The following TNNI3K variants were observed in gnomAD, a reference collection of about 807,000 sequenced individuals.
The protein encoded by TNNI3K is serine/threonine-protein kinase TNNI3K.
A neutral mutation model predicts 114.5 loss-of-function variants in TNNI3K; 140 were observed. That is an observed-to-expected ratio of 1.22 (90% CI 1.07 to 1.41). TNNI3K has a LOEUF of 1.41. TNNI3K is among the 40% of genes most tolerant of loss of function. The pLI is 0.00. For synonymous variants in TNNI3K, 347 were observed against 347.5 expected (o/e 1.00, Z 0.02); for missense variants, 1,125 against 1,007.6 (o/e 1.12, Z -1.58).
At chr1:74,367,386 G>A in intron 12 of TNNI3K, 44 bp downstream of exon 12, 1 of 1,598,132 alleles carries the variant, frequency 6.3e-7, no homozygotes, top group South Asian at 1.1e-5. Flanking sequence ...ATAATATATT[G>A]TGCCTAAAGG....
intron 17 of TNNI3K, among the ~76,000 whole-genome samples, chr1:74,425,910 A>G (rs541503596): frequency 2.0e-5 from 3 of 152,182 alleles, no homozygotes; most frequent in East Asian, 3.9e-4. Flanking sequence ...CCTGTGACTA[A>G]TACTTCTAGC....
Position 74,454,011 on chromosome 1 carries a change from C to T in TNNI3K, c.2012-9430C>T, listed in dbSNP as rs113707883. Among the ~76,000 whole-genome samples the T allele has an allele frequency of 2.1e-3, 319 of 152,178 alleles. 2 individuals carry two copies. The highest frequency in any genetic ancestry group is 7.1e-3 in the African/African-American group (294 of 41,534). On this transcript the variant is annotated intron_variant, in intron 20 of 24. Transcript: ENST00000326637. ...CTAAAGAGAATTGGCATGTGTCTTG[C>T]GACCTTGTGCAATTTATTTAACCTA...
At chr1:74,526,585 A>G (rs1379398439) in intron 23 of TNNI3K, among the ~76,000 whole-genome samples, 1 of 152,232 alleles carries the variant, frequency 6.6e-6, no homozygotes, top group African/African-American at 2.4e-5. Context: ...AGGTGACGTG[A>G]GAATGCAATT....
Position 74,436,473 on chromosome 1 carries a change from G to T in TNNI3K, c.1826-1G>T. 6.3e-7 allele frequency: 1 copy of T among 1,576,052 alleles called. No homozygotes were observed. The highest frequency in any genetic ancestry group is 1.2e-5 in the South Asian group (1 of 83,572). The stretch of plus-strand genomic sequence containing the variant: ...CGTGATTTATTTTCTCTTTCCCTCA[G>T]AATCAAGATTTCTACAGTCTCTGGA... On this transcript the variant is annotated splice_acceptor_variant, in intron 18 of 24. Transcript: ENST00000326637. LOFTEE classifies it high-confidence loss of function.
intron 10 of TNNI3K, among the ~76,000 whole-genome samples, 153 bp downstream of exon 10, chr1:74,353,513 A>G (rs895235852): frequency 2.6e-5 from 4 of 152,166 alleles, no homozygotes; most frequent in African/African-American, 9.7e-5. Flanking sequence ...ATAATGACTG[A>G]TAATAATAAA....
intron 17 of TNNI3K, among the ~76,000 whole-genome samples, chr1:74,426,782 T>G (rs919040696): frequency 3.9e-5 from 6 of 152,066 alleles, no homozygotes; most frequent in African/African-American, 1.4e-4. Context: ...GGATCTGGTT[T>G]CTTAAATGTA....
At chr1:74,458,313 A>G (rs1557578890) in intron 20 of TNNI3K, among the ~76,000 whole-genome samples, 1 of 152,170 alleles carries the variant, frequency 6.6e-6, no homozygotes, top group Non-Finnish European at 1.5e-5. Context: ...TTCATCTTAC[A>G]TTTAGCAAAA....
intron 23 of TNNI3K, among the ~76,000 whole-genome samples, chr1:74,506,436 A>T: frequency 6.6e-6 from 1 of 152,132 alleles, no homozygotes; most frequent in Non-Finnish European, 1.5e-5. Flanking sequence ...AAAGCCCATG[A>T]TTTTTTTACT....
chr1:74,405,137 G>C (rs947978362), intron 17 of TNNI3K, among the ~76,000 whole-genome samples: 4 of 152,042 alleles, frequency 2.6e-5, no homozygotes, highest in Non-Finnish European at 5.9e-5. Flanking sequence ...AGTACTGAAG[G>C]CTTCTAGAAA....
chr1:74,236,086 T>C lies in TNNI3K; in HGVS notation c.41-16T>C. 1.3e-6 allele frequency: 2 copies of C among 1,597,432 alleles called. No homozygotes were observed. Among genetic ancestry groups the C allele is most frequent in the Non-Finnish European group, 1.7e-6 (2 of 1,170,418 alleles). On this transcript the variant is annotated splice_polypyrimidine_tract_variant and intron_variant, in intron 1 of 24. Coordinates refer to ENST00000326637, the MANE Select transcript of TNNI3K (RefSeq NM_015978.3). ...AACACAACTATGAATCAATCTCATT[T>C]GTTCTTCTTTACTAGATGAATGGAA...
At chr1:74,313,699 A>G (rs1659125268) in intron 5 of TNNI3K, among the ~76,000 whole-genome samples, 2 of 152,178 alleles carry the variant, frequency 1.3e-5, no homozygotes, top group Admixed American at 1.3e-4. Flanking sequence ...AGTGCTGAGC[A>G]TGATTTGGAT....
intron 17 of TNNI3K, among the ~76,000 whole-genome samples, chr1:74,406,562 A>G (rs1052525871): frequency 6.6e-6 from 1 of 152,140 alleles, no homozygotes; most frequent in Non-Finnish European, 1.5e-5. Flanking sequence ...TCAGCTCCAG[A>G]AAGTTCTATG....
chr1:74,388,876 G>T (rs539093805), intron 17 of TNNI3K, among the ~76,000 whole-genome samples: 135 of 152,296 alleles, frequency 8.9e-4, no homozygotes, highest in African/African-American at 3.2e-3. Context: ...TAGGCAATAA[G>T]TAGCTGGGAA....
In TNNI3K at chr1:74,257,394, T is replaced by A. The variant is rs147780587; in HGVS notation, c.333+6625T>A. ...GATTAGCTCAGTATTTGTTTCTATT[T>A]CATGTTGACTACAGGGCACATTTTT... On this transcript the variant is annotated intron_variant, in intron 4 of 24. Coordinates refer to ENST00000326637, the MANE Select transcript of TNNI3K (RefSeq NM_015978.3). 6.2e-4 allele frequency among the ~76,000 whole-genome samples: 95 copies of A among 152,280 alleles called. 1 individual carries two copies. The East Asian group carries it at 0.017, about 28-fold the overall frequency.
intron 5 of TNNI3K, among the ~76,000 whole-genome samples, chr1:74,322,565 A>G (rs905169594): frequency 1.3e-5 from 2 of 151,614 alleles, no homozygotes; most frequent in African/African-American, 4.9e-5. Flanking sequence ...GGTTCAAGCA[A>G]TTCTTCTGCT....
At chr1:74,348,094 T>A (rs1379494548) in intron 9 of TNNI3K, among the ~76,000 whole-genome samples, 2 of 152,158 alleles carry the variant, frequency 1.3e-5, no homozygotes, top group Non-Finnish European at 2.9e-5. Context: ...CTGAATGGTA[T>A]TGCCTAGGTT....
At chr1:74,421,887 T>A (rs1041530861) in intron 17 of TNNI3K, among the ~76,000 whole-genome samples, 1 of 151,858 alleles carries the variant, frequency 6.6e-6, no homozygotes, top group Admixed American at 6.6e-5. Flanking sequence ...TCCAAGTTGG[T>A]TAAAATTTGA....
intron 21 of TNNI3K, among the ~76,000 whole-genome samples, chr1:74,479,077 T>G (rs1213922304): frequency 6.6e-6 from 1 of 152,158 alleles, no homozygotes; most frequent in Non-Finnish European, 1.5e-5. Context: ...AGATAACTGT[T>G]ACAGAATAAT....
intron 9 of TNNI3K, among the ~76,000 whole-genome samples, chr1:74,348,339 T>C (rs1288659261): frequency 2.6e-5 from 4 of 152,212 alleles, no homozygotes; most frequent in African/African-American, 9.6e-5. Context: ...AGGGCTCTGT[T>C]CTGTTCCATT....
Sources: gnomAD v4.1 joint callset for allele counts (sites outside exome capture counted in the v4.1 genomes callset) on GRCh38, gnomAD v4.1.1 for gene constraint, MANE v1.5 for transcripts, NCBI Gene and HGNC (gene_info 2026-07-23, HGNC 2026-07-21) for gene names.